RPH3AL: variants seen among roughly 807,000 people sequenced by gnomAD.
RPH3AL encodes rab effector Noc2.
In RPH3AL, 38 loss-of-function variants were observed where a neutral mutation model predicts 43.1. The ratio of observed to expected loss-of-function variants is 0.88; its 90% CI spans 0.68 to 1.15. RPH3AL has a LOEUF of 1.15. RPH3AL is among the 50% of genes most tolerant of loss of function. The pLI, the probability that RPH3AL is intolerant of heterozygous loss-of-function variation, is 0.00. For missense variants in RPH3AL, 462 were observed against 423.2 expected, an observed-to-expected ratio of 1.09 and a Z score of -0.81; for synonymous variants, 189 against 176.3, an observed-to-expected ratio of 1.07 and a Z score of -0.57.
chr17:315,475 CACCTCCAT>C (rs2043975498), intron 5 of RPH3AL, among the ~76,000 whole-genome samples: 1 of 150,880 alleles, frequency 6.6e-6, no homozygotes, highest in African/African-American at 2.5e-5. Context: ...CCTGTGCTCC[CACCTCCAT>C]TGACCTGTAG....
At position 283,073 on chromosome 17, in the gene RPH3AL, T is replaced by G. The variant is rs540440558; in HGVS notation, c.352-1219A>C. 6.6e-6 allele frequency among the ~76,000 whole-genome samples: 1 copy of G among 152,270 alleles called. No homozygotes were observed. Among genetic ancestry groups the G allele is most frequent in the African/African-American group, 2.4e-5 (1 of 41,542 alleles). On this transcript the variant is annotated intron_variant, in intron 5 of 9. Transcript: ENST00000331302. This position sits in a 1 kb window ranked among gnomAD's most constrained non-coding sequence, Gnocchi z 4.2. ...ACCCAGGCAGAGTCTGATTCAGCGA[T>G]CGCTGGCGACTCCTCAGGACTGTTG... is the stretch of plus-strand genomic sequence containing the variant.
chr17:321,194 T>C, intron 4 of RPH3AL, 78 bp downstream of exon 4: 1 of 1,504,020 alleles, frequency 6.6e-7, no homozygotes, highest in Non-Finnish European at 9.0e-7. Context: ...GGACCCGGAG[T>C]GCCGGCCTCC....
chr17:314,105 A>G (rs1160616899), intron 5 of RPH3AL, among the ~76,000 whole-genome samples: 2 of 152,176 alleles, frequency 1.3e-5, no homozygotes, highest in Non-Finnish European at 2.9e-5. Flanking sequence ...TGCCTAAGAC[A>G]TGGCTCCAAG....
chr17:316,222 G>T (rs541565317), intron 5 of RPH3AL, among the ~76,000 whole-genome samples: 1 of 102,622 alleles, frequency 9.7e-6, no homozygotes. Context: ...CCATTGACCT[G>T]TAGTCCCTGT....
At chr17:235,490 A>G (rs1349322140) in intron 7 of RPH3AL, among the ~76,000 whole-genome samples, 2 of 137,122 alleles carry the variant, frequency 1.5e-5, no homozygotes, top group Admixed American at 7.5e-5. Context: ...CTGCACTAAC[A>G]AGACGGATCC....
rs1295773040 is a variant in RPH3AL, at chr17:344,083, C to T, written c.-213+8629G>A. On this transcript the variant is annotated intron_variant, in intron 1 of 9. Transcript: ENST00000331302. Reference sequence around the variant, plus strand: ...CCACTGTCATCATCGTCATCACTATCACCATCATTGTCACCATCATATTCA... The same window carrying T: ...CCACTGTCATCATCGTCATCACTATTACCATCATTGTCACCATCATATTCA... 1.5e-5 allele frequency among the ~76,000 whole-genome samples: 2 copies of T among 133,000 alleles called. 1 individual carries two copies. Among genetic ancestry groups the T allele is most frequent in the East Asian group, 4.8e-4 (2 of 4,132 alleles). 87.3% of individuals were successfully genotyped at this position (133,000 alleles called of 152,430 possible). A position where few individuals can be genotyped will look rare whatever the true frequency, so the allele number is the denominator to read the frequency against.
chr17:271,352 C>T (rs547785760), intron 6 of RPH3AL, among the ~76,000 whole-genome samples: 4 of 152,272 alleles, frequency 2.6e-5, no homozygotes, highest in South Asian at 2.1e-4. Flanking sequence ...AATGAATCTA[C>T]AAATTACCTT....
chr17:290,029 C>T lies in RPH3AL; in HGVS notation c.352-8175G>A, dbSNP rs933502077. Among the ~76,000 whole-genome samples, 1 of 152,250 alleles carries T rather than the reference C, an allele frequency of 6.6e-6. No individual in the cohort carries two copies. The highest frequency in any genetic ancestry group is 1.5e-5 in the Non-Finnish European group (1 of 68,054). ...GTCTATTTCTGTTCACCCTCCTGCT[C>T]CCTGTGCCCGGCACAGTGACTATTT... On this transcript the variant is annotated intron_variant, in intron 5 of 9. Coordinates refer to ENST00000331302, the MANE Select transcript of RPH3AL (RefSeq NM_006987.4). The surrounding 1 kb of genome is among the most constrained non-coding windows in gnomAD (Gnocchi z 4.2).
At chr17:301,554 C>A (rs12451242) in intron 5 of RPH3AL, among the ~76,000 whole-genome samples, 6,260 of 152,296 alleles carry the variant, frequency 0.041, 182 homozygotes, top group South Asian at 0.085. Context: ...ATCCTCCTGC[C>A]TTGGCCTCCC....
chr17:317,034 A>T (rs2044266656), intron 5 of RPH3AL, among the ~76,000 whole-genome samples: 1 of 127,876 alleles, frequency 7.8e-6, no homozygotes, highest in South Asian at 2.6e-4. Flanking sequence ...CTCCACCTCC[A>T]CTGACCTGTA....
intron 3 of RPH3AL, among the ~76,000 whole-genome samples, chr17:324,702 G>GCTAGCTAGCTATCTAT: frequency 8.3e-6 from 1 of 119,924 alleles, no homozygotes; most frequent in African/African-American, 3.0e-5. Flanking sequence ...TAGCTAGCTA[G>GCTAGCTAGCTATCTAT]CTATGTACCT....
intron 5 of RPH3AL, among the ~76,000 whole-genome samples, chr17:298,822 G>A (rs1555563901): frequency 6.6e-6 from 1 of 152,094 alleles, no homozygotes; most frequent in Non-Finnish European, 1.5e-5. Context: ...AACAGCAACA[G>A]CACACTAGCG....
At chr17:216,007 G>C (rs1438322673) in intron 8 of RPH3AL, 1 of 343,546 alleles carries the variant, frequency 2.9e-6, no homozygotes, top group East Asian at 5.1e-5. Context: ...GCTCTGGCCT[G>C]ACCCCACCCA....
chr17:273,851 A>G (rs1296401268), intron 6 of RPH3AL, among the ~76,000 whole-genome samples: 1 of 152,182 alleles, frequency 6.6e-6, no homozygotes, highest in African/African-American at 2.4e-5. Context: ...CTGAACAGAG[A>G]AGAACACGCT....
In RPH3AL at chr17:213,488, A is replaced by G. The variant is rs2051845006; in HGVS notation, c.*364T>C. On this transcript the variant is annotated 3_prime_UTR_variant, in exon 10 of 10. Transcript: ENST00000331302. The stretch of plus-strand genomic sequence containing the variant: ...CATTTAGTCTTGCCATTAATATAGC[A>G]ACGGAGATAGCCCCACCGGGCGGCC... 1.1e-5 allele frequency: 4 copies of G among 355,086 alleles called. No individual in the cohort carries two copies. The highest frequency in any genetic ancestry group is 2.1e-5 in the Non-Finnish European group (4 of 189,160). 22.0% of individuals were successfully genotyped at this position (355,086 alleles called of 1,614,324 possible). A position where few individuals can be genotyped will look rare whatever the true frequency, so the allele number is the denominator to read the frequency against.
In RPH3AL at chr17:215,049, G is replaced by T. The variant is rs1487810521; in HGVS notation, c.876+605C>A. ...CTGCCGGGTGCCCTCCACACCCCGGGGACGGAGATCAGCTGCTGCCCTGGT... is the reference window on the plus strand; with the variant it reads ...CTGCCGGGTGCCCTCCACACCCCGGTGACGGAGATCAGCTGCTGCCCTGGT... On this transcript the variant is annotated intron_variant, in intron 9 of 9. Transcript: ENST00000331302. The surrounding 1 kb of genome is among the most constrained non-coding windows in gnomAD (Gnocchi z 4.1). Among the ~76,000 whole-genome samples, 1 of 152,192 alleles carries T rather than the reference G, an allele frequency of 6.6e-6. No homozygotes were observed. Among genetic ancestry groups the T allele is most frequent in the African/African-American group, 2.4e-5 (1 of 41,448 alleles).
chr17:230,508 C>A (rs907821211), intron 7 of RPH3AL, among the ~76,000 whole-genome samples: 1 of 152,132 alleles, frequency 6.6e-6, no homozygotes, highest in African/African-American at 2.4e-5. Flanking sequence ...CTGGGGTGTG[C>A]CAGGCATCCT....
chr17:251,149 C>T (rs1354773441), intron 6 of RPH3AL, among the ~76,000 whole-genome samples: 2 of 152,212 alleles, frequency 1.3e-5, no homozygotes, highest in Non-Finnish European at 2.9e-5. Context: ...CCTCACTGCC[C>T]CTTCCAGCCA....
chr17:227,146 TC>T (rs905810291), intron 7 of RPH3AL, among the ~76,000 whole-genome samples: 2 of 152,104 alleles, frequency 1.3e-5, no homozygotes, highest in Non-Finnish European at 2.9e-5. Flanking sequence ...CCCTGAGGCT[TC>T]CCCACTGCAG....
Sources: gnomAD v4.1 joint callset for allele counts (sites outside exome capture counted in the v4.1 genomes callset) on GRCh38, gnomAD v4.1.1 for gene constraint, Gnocchi (gnomAD v3.1) non-coding constraint, MANE v1.5 for transcripts, NCBI Gene and HGNC (gene_info 2026-07-23, HGNC 2026-07-21) for gene names.